GABRA6: variants seen among roughly 807,000 people sequenced by gnomAD.
GABRA6 encodes gamma-aminobutyric acid type A receptor subunit alpha6, also known as gamma-aminobutyric acid receptor subunit alpha-6.
In GABRA6, 45 loss-of-function variants were observed where a neutral mutation model predicts 47.3. That is an observed-to-expected ratio of 0.95 (90% CI 0.75 to 1.22). The LOEUF is 1.22. Among genes scored for constraint, GABRA6 ranks in the 50% most tolerant of loss-of-function variants. The probability of loss-of-function intolerance (pLI) is 0.00; values close to 1 mark genes in which losing one functional copy is unlikely to be tolerated. For missense variants in GABRA6, 583 were observed against 549.3 expected (o/e 1.06, Z -0.61); for synonymous variants, 219 against 194.7 (o/e 1.12, Z -1.04).
intron 7 of GABRA6, 60 bp from the exon 8 acceptor site, chr5:161,691,881 T>G (rs1754799215): frequency 2.0e-6 from 3 of 1,492,858 alleles, no homozygotes; most frequent in Admixed American, 3.3e-5. Context: ...ACATTCTCAT[T>G]TGATTTTGCC....
chr5:161,687,164 C>A (rs74623474), intron 3 of GABRA6, among the ~76,000 whole-genome samples, 161 bp downstream of exon 3: 2,687 of 152,194 alleles, frequency 0.018, 79 homozygotes, highest in African/African-American at 0.06. Context: ...GGATTCCTGG[C>A]TTAATCTTCA....
chr5:161,688,113 T>C (rs2113067829), intron 3 of GABRA6, among the ~76,000 whole-genome samples: 1 of 152,324 alleles, frequency 6.6e-6, no homozygotes, highest in South Asian at 2.1e-4. Context: ...AGTTTATTTG[T>C]GCAATAGGTC....
rs371802756 is a variant in GABRA6, at chr5:161,701,588, A to G, written c.1177A>G (p.Arg393Gly). 5.3e-5 allele frequency: 86 copies of G among 1,614,066 alleles called. No individual in the cohort carries two copies. The highest frequency in any genetic ancestry group is 7.2e-5 in the Non-Finnish European group (85 of 1,180,042). ...SSSEANKVLT[R>G]APILQSTPVT... ...TTCCGAGGCCAATAAAGTGCTCACG[A>G]GAGCGCCCATCTTACAATCAACACC... is the stretch of plus-strand genomic sequence containing the variant. The change falls in exon 9 of 9, where the codon AGA becomes GGA. Residue 393 changes from arginine to glycine, a missense_variant. Arg to Gly is a moderately radical substitution (Grantham distance 125, BLOSUM62 -2). Coordinates refer to ENST00000274545, the MANE Select transcript of GABRA6 (RefSeq NM_000811.3).
chr5:161,689,050 T>C lies in GABRA6; in HGVS notation c.327T>C (p.Ser109=), dbSNP rs754808779. The change falls in exon 4 of 9, where the codon AGT becomes AGC. Residue 109 remains serine, a synonymous_variant. Transcript: ENST00000274545. ...EILSLNNLMV[S]KIWTPDTFFR... ...TGAGTCTGAATAATTTGATGGTCAG[T>C]AAAATCTGGACGCCTGACACCTTTT... is the stretch of plus-strand genomic sequence containing the variant. The C allele has an allele frequency of 6.2e-7, 1 of 1,614,020 alleles. No individual in the cohort carries two copies. Among genetic ancestry groups the C allele is most frequent in the South Asian group, 1.1e-5 (1 of 91,074 alleles).
intron 6 of GABRA6, 76 bp from the exon 7 acceptor site, chr5:161,690,125 T>C (rs1200567784): frequency 7.2e-7 from 1 of 1,383,382 alleles, no homozygotes; most frequent in African/African-American, 1.4e-5. Context: ...TTAAAAGTTG[T>C]CAAGATTTAT....
chr5:161,690,361 T>A lies in GABRA6; in HGVS notation c.826+8T>A, dbSNP rs758305960. 2.5e-6 allele frequency: 4 copies of A among 1,612,000 alleles called. No homozygotes were observed. The South Asian group carries it at 4.4e-5, about 18-fold the overall frequency. Reference sequence around the variant, plus strand: ...CAGCAAGAACTGTTTTTGGTATATGTCACATTTTGTACTTCACGTACATTC... The same window carrying A: ...CAGCAAGAACTGTTTTTGGTATATGACACATTTTGTACTTCACGTACATTC... On this transcript the variant is annotated splice_region_variant and intron_variant, in intron 7 of 8. Coordinates refer to ENST00000274545, the MANE Select transcript of GABRA6 (RefSeq NM_000811.3).
In GABRA6 at chr5:161,701,804, G is replaced by A. The variant is rs560039327; in HGVS notation, c.*31G>A. 2 of 1,610,382 alleles carry A rather than the reference G, an allele frequency of 1.2e-6. No homozygotes were observed. Among genetic ancestry groups the A allele is most frequent in the South Asian group, 2.2e-5 (2 of 90,988 alleles). ...GGCCAGGACAACCTGAATTCTATAA[G>A]TTCTTGTTTTCTGTTTCCTATGTTT... On this transcript the variant is annotated 3_prime_UTR_variant, in exon 9 of 9. Coordinates refer to ENST00000274545, the MANE Select transcript of GABRA6 (RefSeq NM_000811.3).
At chr5:161,698,936 G>C (rs1754929572) in intron 8 of GABRA6, among the ~76,000 whole-genome samples, 1 of 151,752 alleles carries the variant, frequency 6.6e-6, no homozygotes, top group African/African-American at 2.4e-5. Flanking sequence ...ATTTTTTGTG[G>C]TGTTTGGTTC....
At chr5:161,699,572 T>TG (rs1251395572) in intron 8 of GABRA6, among the ~76,000 whole-genome samples, 1 of 150,874 alleles carries the variant, frequency 6.6e-6, no homozygotes, top group African/African-American at 2.4e-5. Context: ...TTTTTTTTTT[T>TG]TTTAATGCAG....
Position 161,686,307 on chromosome 5 carries a change from T to C in GABRA6, c.116T>C (p.Leu39Ser). The C allele has an allele frequency of 6.2e-7, 1 of 1,614,042 alleles. No individual in the cohort carries two copies. The highest frequency in any genetic ancestry group is 1.1e-5 in the South Asian group (1 of 91,086). Residue 39 changes from leucine (L) to serine (S), a missense_variant, in exon 2 of 9, where the codon TTG becomes TCG. Transcript: ENST00000274545. ...AACGTCAGTCGGATCCTGGACAACT[T>C]GCTTGAAGGCTATGACAATCGGCTG... is the stretch of plus-strand genomic sequence containing the variant. ...SENVSRILDN[L>S]LEGYDNRLRP...
chr5:161,689,864 C>T, intron 6 of GABRA6, 85 bp downstream of exon 6: 1 of 1,406,344 alleles, frequency 7.1e-7, no homozygotes. Flanking sequence ...TTTTCCTTCG[C>T]CTTAGCCATT....
intron 8 of GABRA6, 118 bp downstream of exon 8, chr5:161,692,318 G>C: frequency 8.2e-7 from 1 of 1,222,688 alleles, no homozygotes; most frequent in Non-Finnish European, 1.2e-6. Flanking sequence ...TATAACTGTA[G>C]TTTCAAGAGC....
At chr5:161,689,853 T>C in intron 6 of GABRA6, 74 bp downstream of exon 6, 2 of 1,453,248 alleles carry the variant, frequency 1.4e-6, no homozygotes, top group Non-Finnish European at 9.6e-7. Context: ...TATCTATTTC[T>C]TTTTCCTTCG....
intron 8 of GABRA6, among the ~76,000 whole-genome samples, chr5:161,694,025 G>C (rs543585519): frequency 1.3e-5 from 2 of 152,168 alleles, no homozygotes; most frequent in African/African-American, 4.8e-5. Flanking sequence ...TCTGTAGTTT[G>C]AAAGGTTACC....
At chr5:161,694,225 T>C (rs1378761905) in intron 8 of GABRA6, among the ~76,000 whole-genome samples, 2 of 151,572 alleles carry the variant, frequency 1.3e-5, no homozygotes, top group African/African-American at 2.4e-5. Flanking sequence ...AGGTCATCTA[T>C]ATATTAATAT....
chr5:161,692,808 A>AT, intron 8 of GABRA6, among the ~76,000 whole-genome samples: 1 of 152,334 alleles, frequency 6.6e-6, no homozygotes, highest in East Asian at 1.9e-4. Flanking sequence ...ATAGTTATAA[A>AT]TTTTTGTTAA....
intron 8 of GABRA6, among the ~76,000 whole-genome samples, chr5:161,699,224 G>A (rs147587708): frequency 2.7e-4 from 41 of 152,290 alleles, no homozygotes; most frequent in African/African-American, 9.6e-4. Context: ...CAAAATGAGT[G>A]TAGAAAGAAA....
chr5:161,700,209 G>A (rs1442249795), intron 8 of GABRA6, among the ~76,000 whole-genome samples: 1 of 152,214 alleles, frequency 6.6e-6, no homozygotes, highest in Non-Finnish European at 1.5e-5. Context: ...AGGGGAGGAA[G>A]CTGTCTTATA....
intron 5 of GABRA6, 93 bp from the exon 6 acceptor site, chr5:161,689,543 G>T (rs778163797): frequency 1.6e-6 from 2 of 1,212,338 alleles, no homozygotes; most frequent in Admixed American, 3.9e-5. Context: ...ATCTATGTTT[G>T]TATTTCCTTT....
Sources: gnomAD v4.1 joint callset for allele counts (sites outside exome capture counted in the v4.1 genomes callset) on GRCh38, gnomAD v4.1.1 for gene constraint, MANE v1.5 for transcripts, NCBI Gene and HGNC (gene_info 2026-07-23, HGNC 2026-07-21) for gene names.